The following DIAPH2 variants were observed in gnomAD, a reference collection of about 807,000 sequenced individuals.
DIAPH2 encodes the protein diaphanous related formin 2.
A neutral mutation model predicts 92.7 loss-of-function variants in DIAPH2; 35 were observed. The ratio of observed to expected loss-of-function variants is 0.38; its 90% CI spans 0.29 to 0.50. The LOEUF is 0.50. Ranked by LOEUF, DIAPH2 falls within the 20% of genes least tolerant of loss-of-function variation. The pLI is 0.94. For missense variants in DIAPH2, 701 were observed against 819.5 expected (o/e 0.86, Z 1.77); for synonymous variants, 301 against 280.4 (o/e 1.07, Z -0.73).
intron 25 of DIAPH2, among the ~76,000 whole-genome samples, chrX:97,418,345 GCA>G (rs1309249063): frequency 1.8e-5 from 2 of 112,366 alleles, no homozygotes; most frequent in Non-Finnish European, 3.8e-5. Context: ...CCAAGTATCA[GCA>G]AATTAAGAGT....
chrX:96,892,480 T>C (rs2065314057), intron 5 of DIAPH2, among the ~76,000 whole-genome samples: 1 of 111,913 alleles, frequency 8.9e-6, no homozygotes, highest in East Asian at 2.8e-4. Context: ...GTTAAAATCT[T>C]GGTCAACAAT....
intron 4 of DIAPH2, among the ~76,000 whole-genome samples, chrX:96,847,619 G>T (rs2064980142): frequency 9.0e-6 from 1 of 110,573 alleles, no homozygotes; most frequent in African/African-American, 3.3e-5. Flanking sequence ...AGTGATCAAA[G>T]GTTGCTCTTT....
intron 5 of DIAPH2, 22 bp downstream of exon 5, chrX:96,881,740 G>A (rs1391891455): frequency 1.7e-6 from 2 of 1,195,699 alleles, no homozygotes; most frequent in Middle Eastern, 2.3e-4. Context: ...TTATCATTTC[G>A]GTATGATTCA....
At chrX:96,736,949 T>A (rs1269130705) in intron 2 of DIAPH2, among the ~76,000 whole-genome samples, 1 of 112,398 alleles carries the variant, frequency 8.9e-6, no homozygotes, top group Non-Finnish European at 1.9e-5. Flanking sequence ...ATTGGATATA[T>A]CCTCAGCTTA....
chrX:97,515,609 G>A, intron 26 of DIAPH2, among the ~76,000 whole-genome samples: 1 of 111,299 alleles, frequency 9.0e-6, no homozygotes. Flanking sequence ...ACTGGACAAA[G>A]GGGATATGAT....
chrX:97,081,937 C>G (rs1277998173), intron 19 of DIAPH2: 1 of 108,587 alleles, frequency 9.2e-6, no homozygotes, highest in African/African-American at 3.4e-5. Context: ...TCCTGGCTAA[C>G]ACGGTGAAAC....
At chrX:97,195,946 A>G (rs1267888420) in intron 22 of DIAPH2, among the ~76,000 whole-genome samples, 1 of 111,618 alleles carries the variant, frequency 9.0e-6, no homozygotes, top group Non-Finnish European at 1.9e-5. Flanking sequence ...GTGTGTGTAA[A>G]GAGAACACAA....
At chrX:97,123,052 C>T (rs1031680311) in intron 21 of DIAPH2, among the ~76,000 whole-genome samples, 20 of 112,007 alleles carry the variant, frequency 1.8e-4, no homozygotes, top group African/African-American at 5.2e-4. Context: ...CATTATATTA[C>T]GTTGAAGCAA....
At chrX:97,097,204 A>C (rs1207609943) in intron 19 of DIAPH2, among the ~76,000 whole-genome samples, 1 of 112,039 alleles carries the variant, frequency 8.9e-6, no homozygotes, top group East Asian at 2.8e-4. Flanking sequence ...ATGTACATAT[A>C]TAAAAAATCA....
chrX:97,146,233 A>C (rs2067246967), intron 22 of DIAPH2, among the ~76,000 whole-genome samples: 1 of 109,079 alleles, frequency 9.2e-6, no homozygotes, highest in South Asian at 4.0e-4. Context: ...TGTATAACAT[A>C]GCAAAAAACA....
At chrX:97,110,079 A>T (rs747971944) in intron 20 of DIAPH2, among the ~76,000 whole-genome samples, 1 of 112,252 alleles carries the variant, frequency 8.9e-6, no homozygotes, top group African/African-American at 3.2e-5. Flanking sequence ...ACTGTCAGCT[A>T]TTAATTTTGT....
At chrX:96,774,866 A>T (rs1415567797) in intron 4 of DIAPH2, among the ~76,000 whole-genome samples, 1 of 112,167 alleles carries the variant, frequency 8.9e-6, no homozygotes, top group Non-Finnish European at 1.9e-5. Context: ...TTTTAAATAC[A>T]CTAGGCTATA....
intron 22 of DIAPH2, among the ~76,000 whole-genome samples, chrX:97,157,334 TATAATA>T (rs61008919): frequency 9.6e-6 from 1 of 103,685 alleles, no homozygotes; most frequent in South Asian, 4.3e-4. Context: ...ATAATAATAA[TATAATA>T]ATAATAATAA....
chrX:96,740,630 A>G (rs1232856059), intron 3 of DIAPH2, among the ~76,000 whole-genome samples: 2 of 111,462 alleles, frequency 1.8e-5, no homozygotes, highest in East Asian at 2.8e-4. Flanking sequence ...TGCTTTTGTA[A>G]TAACTGTTAC....
intron 22 of DIAPH2, among the ~76,000 whole-genome samples, chrX:97,237,620 C>A (rs945954646): frequency 1.8e-5 from 2 of 108,960 alleles, no homozygotes; most frequent in South Asian, 8.0e-4. Flanking sequence ...CTCGCTCTGT[C>A]GCCCAGGCTG....
chrX:97,247,171 G>A lies in DIAPH2; in HGVS notation c.2720-544G>A, dbSNP rs141232121. 7.1e-3 allele frequency among the ~76,000 whole-genome samples: 791 copies of A among 111,064 alleles called. 9 individuals are homozygous for A. The highest frequency in any genetic ancestry group is 0.025 in the African/African-American group (760 of 30,679). On this transcript the variant is annotated intron_variant, in intron 22 of 26. Transcript: ENST00000324765. Reference sequence around the variant, plus strand: ...ATGTACGTTCATTTGTGTTTGCTGGGGTTTGCTCTAAATTATCTTTCTGTA... The same window carrying A: ...ATGTACGTTCATTTGTGTTTGCTGGAGTTTGCTCTAAATTATCTTTCTGTA...
At chrX:96,971,612 A>G (rs1050494573) in intron 17 of DIAPH2, among the ~76,000 whole-genome samples, 1 of 111,588 alleles carries the variant, frequency 9.0e-6, no homozygotes, top group Non-Finnish European at 1.9e-5. Context: ...ATCAAAACCA[A>G]ACAAAATTCA....
chrX:96,840,767 C>T (rs983707513), intron 4 of DIAPH2, among the ~76,000 whole-genome samples: 2 of 103,821 alleles, frequency 1.9e-5, no homozygotes, highest in Non-Finnish European at 4.0e-5. Flanking sequence ...CACCACCATG[C>T]CCAGCTAATT....
intron 4 of DIAPH2, among the ~76,000 whole-genome samples, chrX:96,868,205 G>T (rs1447768590): frequency 1.8e-5 from 2 of 111,863 alleles, no homozygotes; most frequent in Non-Finnish European, 3.8e-5. Flanking sequence ...TCACACTAAG[G>T]CCATCTCATT....
Sources: allele counts gnomAD v4.1 joint callset (sites outside exome capture counted in the v4.1 genomes callset), GRCh38; gene constraint gnomAD v4.1.1; transcripts MANE v1.5; gene names NCBI Gene and HGNC (gene_info 2026-07-23, HGNC 2026-07-21).